IGSF11: variants seen among roughly 807,000 people sequenced by gnomAD.
IGSF11 encodes the protein CXADR like 1.
In IGSF11, 22 loss-of-function variants were observed where a neutral mutation model predicts 41.0. The ratio of observed to expected loss-of-function variants is 0.54; its 90% confidence interval spans 0.38 to 0.77. The LOEUF is 0.77. Among genes scored for constraint, IGSF11 ranks in the 30% least tolerant of loss-of-function variants. The pLI, the probability that IGSF11 is intolerant of heterozygous loss-of-function variation, is 0.00. For missense variants in IGSF11, 444 were observed against 530.8 expected, an observed-to-expected ratio of 0.84 and a Z score of 1.61; for synonymous variants, 219 against 201.3, an observed-to-expected ratio of 1.09 and a Z score of -0.74.
intron 1 of IGSF11, among the ~76,000 whole-genome samples, chr3:118,958,518 G>C (rs1257135524): frequency 2.0e-5 from 3 of 151,836 alleles, no homozygotes; most frequent in Admixed American, 2.0e-4. Context: ...ACTTTCCCTA[G>C]TCAGTGGAAA....
rs11320585 is a variant in IGSF11 at position 119,015,748 on chromosome 3, TAAA to T, written c.52+18780_52+18782del. 2.8e-3 allele frequency among the ~76,000 whole-genome samples: 394 copies of T among 142,440 alleles called. 2 individuals are homozygous for T. The highest frequency in any genetic ancestry group is 8.7e-3 in the African/African-American group (339 of 39,084). 93.4% of individuals were successfully genotyped at this position (142,440 alleles called of 152,430 possible). A position where few individuals can be genotyped will look rare whatever the true frequency, so the allele number is the denominator to read the frequency against. Reference sequence around the variant, plus strand: ...ATATTTACCAAATATGAATAAATGCTAAAAAAAAAAAAACTGTTTTATAATGTT... The same window carrying T: ...ATATTTACCAAATATGAATAAATGCTAAAAAAAAAACTGTTTTATAATGTT... On this transcript the variant is annotated intron_variant, in intron 1 of 6. Transcript: ENST00000393775.
intron 3 of IGSF11, 128 bp downstream of exon 3, chr3:118,928,381 G>A: frequency 1.5e-6 from 1 of 665,694 alleles, no homozygotes. Context: ...GAGAAGAGAT[G>A]GAACTGAGAG....
At position 118,902,213 on chromosome 3, in the gene IGSF11, C is replaced by T. The variant is rs190615024; in HGVS notation, c.*307G>A. 6.9e-4 allele frequency: 172 copies of T among 250,860 alleles called. No individual in the cohort carries two copies. Among genetic ancestry groups the T allele is most frequent in the African/African-American group, 3.6e-3 (163 of 45,164 alleles). 15.5% of individuals were successfully genotyped at this position (250,860 alleles called of 1,614,324 possible). On this transcript the variant is annotated 3_prime_UTR_variant, in exon 7 of 7. Transcript: ENST00000393775. The stretch of plus-strand genomic sequence containing the variant: ...ATTAAGTTAGGCATGAAGAACAAGC[C>T]CATCTGGGCGGCAGTTTGGATTTTA...
chr3:118,929,257 C>T (rs191398090), intron 2 of IGSF11, among the ~76,000 whole-genome samples: 18 of 152,310 alleles, frequency 1.2e-4, no homozygotes, highest in Admixed American at 7.8e-4. Context: ...GGACTCAGTT[C>T]TATTCAAGCT....
At chr3:118,917,522 TC>T (rs1264953297) in intron 4 of IGSF11, among the ~76,000 whole-genome samples, 1 of 135,298 alleles carries the variant, frequency 7.4e-6, no homozygotes, top group African/African-American at 3.0e-5. Context: ...ATGGATACAT[TC>T]CTCGACACAT....
intron 1 of IGSF11, among the ~76,000 whole-genome samples, chr3:119,074,344 A>G (rs543958885): frequency 6.6e-6 from 1 of 152,232 alleles, no homozygotes; most frequent in African/African-American, 2.4e-5. Flanking sequence ...AAAAAAAGAA[A>G]TTAATACCAA....
intron 1 of IGSF11, among the ~76,000 whole-genome samples, chr3:119,117,705 C>T (rs1193592912): frequency 1.3e-5 from 2 of 152,180 alleles, no homozygotes; most frequent in Admixed American, 6.5e-5. Context: ...ACCCAAAGTC[C>T]ACAGTCCAAA....
In IGSF11 at chr3:119,066,005, C is replaced by T. The variant is rs149023746; in HGVS notation, c.49+39139G>A. 8.9e-3 allele frequency among the ~76,000 whole-genome samples: 1,356 copies of T among 152,080 alleles called. 10 individuals are homozygous for T. Among genetic ancestry groups the T allele is most frequent in the Non-Finnish European group, 0.012 (784 of 67,984 alleles). ...TAAAACTTCAGGTATTTTATTTCTT[C>T]TTTCAGCTTTGGTTAGTAGTATTTT... On this transcript the variant is annotated intron_variant, in intron 1 of 6. Transcript: ENST00000354673.
chr3:118,994,671 A>C (rs1339496412), intron 1 of IGSF11, among the ~76,000 whole-genome samples: 1 of 152,208 alleles, frequency 6.6e-6, no homozygotes, highest in African/African-American at 2.4e-5. Flanking sequence ...CGAGAAGAGG[A>C]AAATAGTGGG....
At chr3:118,937,335 G>T (rs1012771381) in intron 1 of IGSF11, among the ~76,000 whole-genome samples, 6 of 152,070 alleles carry the variant, frequency 3.9e-5, no homozygotes, top group African/African-American at 1.4e-4. Flanking sequence ...AATAAAAATT[G>T]TACACTATCC....
At chr3:118,975,682 C>T (rs1934014148) in intron 1 of IGSF11, among the ~76,000 whole-genome samples, 1 of 152,202 alleles carries the variant, frequency 6.6e-6, no homozygotes, top group Non-Finnish European at 1.5e-5. Flanking sequence ...GAATACTATG[C>T]AGCCACAAAA....
chr3:119,118,593 T>C (rs1417679471), intron 1 of IGSF11, among the ~76,000 whole-genome samples: 11 of 152,236 alleles, frequency 7.2e-5, no homozygotes, highest in Admixed American at 7.2e-4. Flanking sequence ...CTGGAGACAC[T>C]TTCCCCATTG....
In IGSF11 at chr3:118,926,210, A is replaced by C. The variant is rs1942277282; in HGVS notation, c.471T>G (p.Ile157Met). The C allele has an allele frequency of 1.2e-6, 2 of 1,611,316 alleles. No homozygotes were observed. Among genetic ancestry groups the C allele is most frequent in the Non-Finnish European group, 1.7e-6 (2 of 1,178,230 alleles). The change falls in exon 4 of 7, where the codon ATT becomes ATG. Residue 157 changes from isoleucine (I) to methionine (M), a missense_variant. Transcript: ENST00000393775. Reference protein sequence around the residue: ...PHCQIQGSQDIGSDVILLCSS... With the variant: ...PHCQIQGSQDMGSDVILLCSS... Reference sequence around the variant, plus strand: ...TACAGAGCAGGATGACATCGCTGCCAATATCCTGGGATCCTTGGATTTGGC... The same window carrying C: ...TACAGAGCAGGATGACATCGCTGCCCATATCCTGGGATCCTTGGATTTGGC...
chr3:118,980,448 T>C (rs548480203), intron 1 of IGSF11, among the ~76,000 whole-genome samples: 2 of 152,290 alleles, frequency 1.3e-5, no homozygotes, highest in African/African-American at 2.4e-5. Flanking sequence ...TTCTCACTCA[T>C]ACATGGGAGC....
At position 119,093,224 on chromosome 3, in the gene IGSF11, C is replaced by T. The variant is rs534490124; in HGVS notation, c.49+11920G>A. Among the ~76,000 whole-genome samples the T allele has an allele frequency of 3.9e-5, 6 of 152,330 alleles. No individual in the cohort carries two copies. The East Asian group carries it at 7.7e-4, about 20-fold the overall frequency. The stretch of plus-strand genomic sequence containing the variant: ...GACACTAAAGATTGCTGAGCTACGT[C>T]CGCCTTCAACACTTCTGTATTTTAC... On this transcript the variant is annotated intron_variant, in intron 1 of 6. Transcript: ENST00000354673.
intron 1 of IGSF11, among the ~76,000 whole-genome samples, chr3:119,098,853 T>C (rs1404270285): frequency 3.3e-5 from 5 of 152,240 alleles, no homozygotes; most frequent in Non-Finnish European, 5.9e-5. Context: ...GGTGATGTCC[T>C]CAATTGGCTG....
intron 2 of IGSF11, 116 bp downstream of exon 2, chr3:118,929,996 C>T: frequency 1.0e-6 from 1 of 989,462 alleles, no homozygotes; most frequent in East Asian, 2.5e-5. Context: ...AGAGTACACG[C>T]ACATTGACAA....
At chr3:119,049,294 G>C (rs1941510854) in intron 1 of IGSF11, among the ~76,000 whole-genome samples, 2 of 151,468 alleles carry the variant, frequency 1.3e-5, no homozygotes, top group Non-Finnish European at 3.0e-5. Flanking sequence ...AGCAACTTCA[G>C]CAAAGTCTCA....
chr3:118,968,084 C>G (rs80052212), intron 1 of IGSF11, among the ~76,000 whole-genome samples: 3,680 of 152,238 alleles, frequency 0.024, 77 homozygotes, highest in East Asian at 0.066. Flanking sequence ...AAGGTGCCAT[C>G]TGAGATTTTT....
Sources: allele counts gnomAD v4.1 joint callset (sites outside exome capture counted in the v4.1 genomes callset), GRCh38; gene constraint gnomAD v4.1.1; transcripts MANE v1.5; gene names NCBI Gene and HGNC (gene_info 2026-07-23, HGNC 2026-07-21).